The following KATNA1 variants were observed in gnomAD, a reference collection of about 807,000 sequenced individuals.
The protein encoded by KATNA1 is katanin p60 ATPase-containing subunit A1.
A neutral mutation model predicts 62.6 loss-of-function variants in KATNA1; 42 were observed. The observed-to-expected ratio is 0.67, with a 90% CI of 0.52 to 0.87. The LOEUF (loss-of-function observed/expected upper bound fraction) is 0.87, where lower values mean the gene tolerates loss of function less well. Ranked by LOEUF, KATNA1 falls within the 40% of genes least tolerant of loss-of-function variation. KATNA1 has a pLI of 0.00. For missense variants in KATNA1, 498 were observed against 612.5 expected (o/e 0.81, Z 1.97); for synonymous variants, 186 against 201.9 (o/e 0.92, Z 0.67).
intron 3 of KATNA1, among the ~76,000 whole-genome samples, chr6:149,630,138 T>C (rs142073578): frequency 1.3e-5 from 2 of 152,346 alleles, no homozygotes; most frequent in East Asian, 3.8e-4. Flanking sequence ...ACTATGTGAT[T>C]TTCCCCCTAC....
chr6:149,631,790 T>A (rs1222905047), intron 3 of KATNA1, among the ~76,000 whole-genome samples: 2 of 152,188 alleles, frequency 1.3e-5, no homozygotes, highest in Non-Finnish European at 2.9e-5. Flanking sequence ...TGCACACTTG[T>A]CAGTTGAAAA....
At chr6:149,634,862 T>G (rs890168168) in intron 2 of KATNA1, among the ~76,000 whole-genome samples, 2 of 152,110 alleles carry the variant, frequency 1.3e-5, no homozygotes, top group African/African-American at 2.4e-5. Context: ...TATACTAATT[T>G]TATGGCTAAT....
intron 4 of KATNA1, among the ~76,000 whole-genome samples, chr6:149,621,894 A>C (rs1270235183): frequency 6.6e-6 from 1 of 152,226 alleles, no homozygotes; most frequent in Non-Finnish European, 1.5e-5. Context: ...TTCTTCAAAA[A>C]TTCCAGTCCG....
At chr6:149,632,580 T>C (rs1054591575) in intron 3 of KATNA1, among the ~76,000 whole-genome samples, 179 bp downstream of exon 3, 10 of 152,176 alleles carry the variant, frequency 6.6e-5, no homozygotes, top group Non-Finnish European at 1.5e-4. Context: ...CTAAATCTTA[T>C]TTTTTGAAAT....
Position 149,603,416 on chromosome 6 carries a change from A to G in KATNA1, c.624-43T>C, listed in dbSNP as rs541947195. Reference sequence around the variant, plus strand: ...TTATTAACAACCCTTTAGATGATACATGTCTATGCAGTCACTCTTGAGAAC... The same window carrying G: ...TTATTAACAACCCTTTAGATGATACGTGTCTATGCAGTCACTCTTGAGAAC... On this transcript the variant is annotated intron_variant, in intron 5 of 10. Coordinates refer to ENST00000367411, the MANE Select transcript of KATNA1 (RefSeq NM_007044.4). 16 of 902,606 alleles carry G rather than the reference A, an allele frequency of 1.8e-5. No individual in the cohort carries two copies. The Admixed American group carries it at 2.0e-4, about 11-fold the overall frequency. 55.9% of individuals were successfully genotyped at this position (902,606 alleles called of 1,614,324 possible).
chr6:149,645,299 C>T (rs560865543), intron 1 of KATNA1, among the ~76,000 whole-genome samples: 60 of 151,960 alleles, frequency 3.9e-4, no homozygotes, highest in African/African-American at 1.4e-3. Context: ...AAAAATTAGC[C>T]GGGCGTGGTG....
At chr6:149,640,118 C>T (rs2114630740) in intron 1 of KATNA1, among the ~76,000 whole-genome samples, 1 of 152,228 alleles carries the variant, frequency 6.6e-6, no homozygotes, top group East Asian at 1.9e-4. Context: ...AGGAGTTACG[C>T]TATAAACAAT....
rs555568527 is a variant in KATNA1, at chr6:149,619,649, G to A, written c.501+3454C>T. On this transcript the variant is annotated intron_variant, in intron 4 of 10. Transcript: ENST00000367411. Reference sequence around the variant, plus strand: ...AAGACAAAAACTAACAAATGCTGGTGAGGATTTAGAGAAAGAATTCATATA... The same window carrying A: ...AAGACAAAAACTAACAAATGCTGGTAAGGATTTAGAGAAAGAATTCATATA... Among the ~76,000 whole-genome samples the A allele has an allele frequency of 3.3e-5, 5 of 152,068 alleles. No homozygotes were observed. The South Asian group carries it at 6.2e-4, about 19-fold the overall frequency.
At chr6:149,636,050 C>T (rs1312636690) in intron 2 of KATNA1, among the ~76,000 whole-genome samples, 1 of 151,436 alleles carries the variant, frequency 6.6e-6, no homozygotes, top group African/African-American at 2.4e-5. Flanking sequence ...TGAGAAAATC[C>T]ATCTCAAAAG....
At chr6:149,606,087 G>A (rs1024789299) in intron 4 of KATNA1, among the ~76,000 whole-genome samples, 1 of 152,062 alleles carries the variant, frequency 6.6e-6, no homozygotes, top group African/African-American at 2.4e-5. Context: ...TTGTGAAGCT[G>A]GGTTTTGGGC....
intron 5 of KATNA1, among the ~76,000 whole-genome samples, chr6:149,604,355 A>C (rs1778653083): frequency 6.6e-6 from 1 of 152,130 alleles, no homozygotes. Context: ...GGTCCTAGCT[A>C]CTTGGAAAGC....
chr6:149,647,723 T>C (rs1780544785), intron 1 of KATNA1, among the ~76,000 whole-genome samples: 1 of 152,118 alleles, frequency 6.6e-6, no homozygotes, highest in South Asian at 2.1e-4. Context: ...CAGCAATAAC[T>C]AGAGGTCTAA....
chr6:149,638,727 ATTGT>A, intron 1 of KATNA1, 167 bp from the exon 2 acceptor site: 1 of 241,162 alleles, frequency 4.1e-6, no homozygotes, highest in Admixed American at 6.3e-5. Context: ...TAAAAAAAAC[ATTGT>A]TTTTTTTTTT....
At chr6:149,621,067 T>C (rs1278045402) in intron 4 of KATNA1, among the ~76,000 whole-genome samples, 2 of 151,612 alleles carry the variant, frequency 1.3e-5, no homozygotes, top group Admixed American at 1.3e-4. Flanking sequence ...AGACACCACC[T>C]AACCAAGCGA....
chr6:149,598,409 T>C, intron 7 of KATNA1, 59 bp from the exon 8 acceptor site: 1 of 1,559,206 alleles, frequency 6.4e-7, no homozygotes, highest in Non-Finnish European at 8.8e-7. Context: ...TTTAAAATAA[T>C]CTACAGATTA....
intron 4 of KATNA1, among the ~76,000 whole-genome samples, chr6:149,616,422 A>G (rs1271484883): frequency 6.6e-6 from 1 of 152,206 alleles, no homozygotes; most frequent in African/African-American, 2.4e-5. Context: ...AGGAATATAA[A>G]ATGGTGCAGC....
intron 4 of KATNA1, among the ~76,000 whole-genome samples, chr6:149,611,199 G>A (rs1332199854): frequency 6.6e-6 from 1 of 152,118 alleles, no homozygotes; most frequent in East Asian, 1.9e-4. Context: ...AGTGGCTCAC[G>A]CCTGTAATCT....
rs1201062715 is a variant in KATNA1 at position 149,598,176 on chromosome 6, C to G, written c.1015+48G>C. 3.1e-6 allele frequency: 5 copies of G among 1,604,944 alleles called. No homozygotes were observed. The Admixed American group carries it at 5.1e-5, about 16-fold the overall frequency. ...TGACCCACTGGAACTGGAGACACCA[C>G]ACCTAACAACCTCCCGTCCCTGTTC... On this transcript the variant is annotated intron_variant, in intron 8 of 10. Transcript: ENST00000367411.
At chr6:149,599,171 C>T (rs1268218222) in intron 7 of KATNA1, among the ~76,000 whole-genome samples, 1 of 152,056 alleles carries the variant, frequency 6.6e-6, no homozygotes, top group Non-Finnish European at 1.5e-5. Flanking sequence ...GGGATAATTT[C>T]ATCTTTAAAG....
Sources: gnomAD v4.1 joint callset for allele counts (sites outside exome capture counted in the v4.1 genomes callset) on GRCh38, gnomAD v4.1.1 for gene constraint, MANE v1.5 for transcripts, NCBI Gene and HGNC (gene_info 2026-07-23, HGNC 2026-07-21) for gene names.